The following ARHGAP19 variants were observed in gnomAD, a reference collection of about 807,000 sequenced individuals.
The protein encoded by ARHGAP19 is Rho GTPase activating protein 19.
In ARHGAP19, 48 loss-of-function variants were observed where a neutral mutation model predicts 60.9. The ratio of observed to expected loss-of-function variants is 0.79; its 90% CI spans 0.62 to 1.00. The LOEUF is 1.00. Ranked by LOEUF, ARHGAP19 falls within the 50% of genes least tolerant of loss-of-function variation. ARHGAP19 has a pLI of 0.00. For missense variants in ARHGAP19, 562 were observed against 597.2 expected (o/e 0.94, Z 0.61); for synonymous variants, 209 against 215.5 (o/e 0.97, Z 0.27).
intron 4 of ARHGAP19, among the ~76,000 whole-genome samples, chr10:97,261,216 T>C (rs532701418): frequency 6.6e-6 from 1 of 152,306 alleles, no homozygotes; most frequent in South Asian, 2.1e-4. Flanking sequence ...CTCACATAGA[T>C]GTAAAAATGA....
chr10:97,250,076 A>G (rs1167508631), intron 6 of ARHGAP19, among the ~76,000 whole-genome samples: 4 of 151,984 alleles, frequency 2.6e-5, no homozygotes, highest in South Asian at 2.1e-4. Context: ...GAGCCACCGC[A>G]CCCGGCCAGT....
intron 1 of ARHGAP19, among the ~76,000 whole-genome samples, chr10:97,272,131 C>CT (rs35980234): frequency 0.81 from 68,889 of 85,494 alleles, 30,009 homozygotes; most frequent in Non-Finnish European, 0.92. Context: ...GGAAATATGT[C>CT]TTTTTTTTTT....
intron 6 of ARHGAP19, among the ~76,000 whole-genome samples, chr10:97,249,285 C>T (rs976653458): frequency 1.3e-5 from 2 of 152,132 alleles, no homozygotes; most frequent in African/African-American, 4.8e-5. Context: ...TATTTACTAA[C>T]CGCAAAGGGG....
chr10:97,247,006 G>A (rs182907269), intron 6 of ARHGAP19, among the ~76,000 whole-genome samples: 134 of 152,118 alleles, frequency 8.8e-4, no homozygotes, highest in African/African-American at 3.1e-3. Context: ...GTGTGGTGGC[G>A]TATGCCTGTA....
chr10:97,240,946 C>T (rs1281848204), intron 8 of ARHGAP19, among the ~76,000 whole-genome samples: 2 of 152,058 alleles, frequency 1.3e-5, no homozygotes, highest in African/African-American at 4.8e-5. Context: ...CTGCGGGTTT[C>T]AATGTTTCTA....
chr10:97,264,323 C>A (rs1211523005), intron 3 of ARHGAP19, among the ~76,000 whole-genome samples: 5 of 152,038 alleles, frequency 3.3e-5, no homozygotes, highest in Admixed American at 3.3e-4. Flanking sequence ...TGTGGTGGTG[C>A]AAGCTTGTGA....
intron 6 of ARHGAP19, among the ~76,000 whole-genome samples, chr10:97,253,395 A>AAAAAAAAG (rs1842714190): frequency 6.6e-6 from 1 of 151,532 alleles, no homozygotes; most frequent in Non-Finnish European, 1.5e-5. Context: ...AAAAAAAAAA[A>AAAAAAAAG]GTGCATCTCA....
Position 97,282,839 on chromosome 10 carries a change from CTTTTTTTTTTTTT to C in ARHGAP19, c.56+9720_56+9732del, listed in dbSNP as rs56387291. 5.5e-5 allele frequency among the ~76,000 whole-genome samples: 5 copies of C among 91,020 alleles called. No homozygotes were observed. In the South Asian group the frequency reaches 1.6e-3, roughly 29 times the overall value. The allele number at this position is 91,020 out of a possible 152,430, so 59.7% of individuals were successfully genotyped here. A position where few individuals can be genotyped will look rare whatever the true frequency, so the allele number is the denominator to read the frequency against. On this transcript the variant is annotated intron_variant, in intron 1 of 11. Coordinates refer to ENST00000358531, the MANE Select transcript of ARHGAP19 (RefSeq NM_032900.6). ...TAAAGTACTATGTAGTTTCTTTTTT[CTTTTTTTTTTTTT>C]TTTTTTTGAGACAGAGTCTCACTCT...
chr10:97,253,829 T>C (rs72835323), intron 6 of ARHGAP19, among the ~76,000 whole-genome samples: 5,351 of 152,228 alleles, frequency 0.035, 172 homozygotes, highest in East Asian at 0.16. Context: ...TAAGATCCAC[T>C]ATAAGAATAA....
chr10:97,250,425 G>A (rs11189066), intron 6 of ARHGAP19, among the ~76,000 whole-genome samples: 6,524 of 147,574 alleles, frequency 0.044, 210 homozygotes, highest in Non-Finnish European at 0.061. Context: ...TCGCTCTGTC[G>A]CCAGGCTGGA....
intron 1 of ARHGAP19, among the ~76,000 whole-genome samples, chr10:97,280,581 C>G (rs1012592940): frequency 9.9e-5 from 15 of 151,694 alleles, no homozygotes; most frequent in Non-Finnish European, 1.9e-4. Context: ...TCTCTCTTTT[C>G]CTATTTTTTT....
intron 6 of ARHGAP19, among the ~76,000 whole-genome samples, chr10:97,251,734 A>G (rs1436188002): frequency 8.2e-3 from 1 of 122 alleles, no homozygotes; most frequent in Admixed American, 0.045. Context: ...GGGGAAGGAA[A>G]GGGAAGGGGA....
At chr10:97,262,722 T>C (rs919636830) in intron 4 of ARHGAP19, among the ~76,000 whole-genome samples, 2 of 152,024 alleles carry the variant, frequency 1.3e-5, no homozygotes, top group South Asian at 4.1e-4. Flanking sequence ...AACCGAGGCA[T>C]AGAAATACTG....
At chr10:97,251,391 A>G (rs1195460450) in intron 6 of ARHGAP19, among the ~76,000 whole-genome samples, 1 of 22,054 alleles carries the variant, frequency 4.5e-5, no homozygotes, top group African/African-American at 2.1e-4. Flanking sequence ...GGGAAGGGGA[A>G]GGGAAGGGGA....
intron 8 of ARHGAP19, among the ~76,000 whole-genome samples, chr10:97,243,557 T>C (rs745625045): frequency 1.3e-4 from 20 of 152,226 alleles, no homozygotes; most frequent in Non-Finnish European, 2.8e-4. Context: ...TGCCAGCCAC[T>C]CTACACAGAT....
Position 97,292,500 on chromosome 10 carries a change from C to G in ARHGAP19, c.56+72G>C, listed in dbSNP as rs923219503. 1.6e-5 allele frequency: 25 copies of G among 1,571,858 alleles called. No individual in the cohort carries two copies. In the African/African-American group the frequency reaches 2.0e-4, roughly 13 times the overall value. On this transcript the variant is annotated intron_variant, in intron 1 of 11. Transcript: ENST00000358531. The stretch of plus-strand genomic sequence containing the variant: ...AAGCCCGAACCGTGCGCCTCCGTGA[C>G]CCAAGGCAAAGGCGGCAGGACTACC...
At chr10:97,240,246 T>TTAGA (rs1842458139) in intron 8 of ARHGAP19, among the ~76,000 whole-genome samples, 1 of 133,700 alleles carries the variant, frequency 7.5e-6, no homozygotes, top group Non-Finnish European at 1.7e-5. Context: ...GAAAATAATC[T>TTAGA]ACAATGAAAA....
intron 1 of ARHGAP19, among the ~76,000 whole-genome samples, chr10:97,280,907 A>G (rs1011351812): frequency 1.3e-5 from 2 of 152,182 alleles, no homozygotes; most frequent in African/African-American, 2.4e-5. Flanking sequence ...AAGTGCCATG[A>G]GTCTCAGGCA....
rs1850878669 is a variant in ARHGAP19, at chr10:97,225,474, TG to T, written c.*647del. ...TTTCAATACTGCAGGTCAAATACTC[TG>T]ATGTCACACCCAAGAAATAATAAAA... On this transcript the variant is annotated 3_prime_UTR_variant, in exon 12 of 12. Coordinates refer to ENST00000358531, the MANE Select transcript of ARHGAP19 (RefSeq NM_032900.6). 1 of 152,252 alleles carries T rather than the reference TG, an allele frequency of 6.6e-6. No individual in the cohort carries two copies. The highest frequency in any genetic ancestry group is 2.4e-5 in the African/African-American group (1 of 41,462). 9.4% of individuals were successfully genotyped at this position (152,252 alleles called of 1,614,324 possible).
Sources: allele counts gnomAD v4.1 joint callset (sites outside exome capture counted in the v4.1 genomes callset), GRCh38; gene constraint gnomAD v4.1.1; transcripts MANE v1.5; gene names NCBI Gene and HGNC (gene_info 2026-07-23, HGNC 2026-07-21).